The following NRG3 variants were observed in gnomAD, a reference collection of about 807,000 sequenced individuals.
The protein encoded by NRG3 is neuregulin 3, also known as pro-neuregulin-3, membrane-bound isoform.
In NRG3, 31 loss-of-function variants were observed where a neutral mutation model predicts 66.9. The observed-to-expected ratio is 0.46, with a 90% confidence interval of 0.35 to 0.63. The LOEUF is 0.63. Ranked by LOEUF, NRG3 falls within the 20% of genes least tolerant of loss-of-function variation. The pLI is 0.00. For synonymous variants in NRG3, 393 were observed against 359.4 expected (o/e 1.09, Z -1.06); for missense variants, 910 against 878.9 (o/e 1.04, Z -0.45).
intron 2 of NRG3, among the ~76,000 whole-genome samples, chr10:82,723,524 C>T (rs2057422231): frequency 6.6e-6 from 1 of 151,956 alleles, no homozygotes. Flanking sequence ...ATATTTGTAT[C>T]ATTAACGTAA....
chr10:82,385,094 G>T (rs1411385021), intron 2 of NRG3, among the ~76,000 whole-genome samples: 6 of 152,042 alleles, frequency 3.9e-5, no homozygotes, highest in African/African-American at 1.4e-4. Flanking sequence ...ATTTATGTTT[G>T]TTGGCCACAT....
intron 1 of NRG3, among the ~76,000 whole-genome samples, chr10:82,306,845 C>A (rs994634962): frequency 1.3e-5 from 2 of 148,650 alleles, no homozygotes; most frequent in Non-Finnish European, 3.0e-5. Context: ...GATTTTGAAT[C>A]TTCCCTTAGT....
At chr10:82,379,752 T>A (rs957602059) in intron 2 of NRG3, among the ~76,000 whole-genome samples, 2 of 151,936 alleles carry the variant, frequency 1.3e-5, no homozygotes, top group Non-Finnish European at 2.9e-5. Context: ...CAATGTAAAC[T>A]GGGCCAGAAG....
At chr10:82,353,806 T>C (rs2083587423) in intron 1 of NRG3, among the ~76,000 whole-genome samples, 1 of 152,100 alleles carries the variant, frequency 6.6e-6, no homozygotes, top group Non-Finnish European at 1.5e-5. Context: ...CACTCCTTTA[T>C]TCTTCCTGTC....
chr10:82,107,224 A>T (rs2067122266), intron 1 of NRG3, among the ~76,000 whole-genome samples: 1 of 152,194 alleles, frequency 6.6e-6, no homozygotes, highest in African/African-American at 2.4e-5. Flanking sequence ...TTTCCTTTTA[A>T]TCTCATGTCG....
Position 82,584,190 on chromosome 10 carries a change from G to A in NRG3, c.954-154387G>A, listed in dbSNP as rs539670708. 5.1e-4 allele frequency among the ~76,000 whole-genome samples: 78 copies of A among 152,224 alleles called. 1 individual carries two copies. The highest frequency in any genetic ancestry group is 5.6e-4 in the Non-Finnish European group (38 of 67,998). On this transcript the variant is annotated intron_variant, in intron 2 of 8. Coordinates refer to ENST00000372141, the MANE Select transcript of NRG3 (RefSeq NM_001010848.4). ...CAACCTCTGCCTCCTGGGTTCAAGC[G>A]ATTCTCTCACCTCAGCCTCTGGAGT...
At chr10:82,364,356 A>G (rs542007939) in intron 2 of NRG3, among the ~76,000 whole-genome samples, 3 of 152,340 alleles carry the variant, frequency 2.0e-5, no homozygotes, top group Non-Finnish European at 4.4e-5. Flanking sequence ...CATTAAAAAC[A>G]TTGGATTTAA....
chr10:81,979,288 C>T lies in NRG3; in HGVS notation c.823+103125C>T, dbSNP rs78807109. 6.2e-3 allele frequency among the ~76,000 whole-genome samples: 941 copies of T among 151,910 alleles called. 5 individuals carry two copies. Among genetic ancestry groups the T allele is most frequent in the African/African-American group, 0.021 (880 of 41,444 alleles). ...ATCTCTGATTTCCTCCACAGAGTCT[C>T]TATGGGAAATATTGTAGAGGTTATG... On this transcript the variant is annotated intron_variant, in intron 1 of 8. Coordinates refer to ENST00000372141, the MANE Select transcript of NRG3 (RefSeq NM_001010848.4).
intron 1 of NRG3, among the ~76,000 whole-genome samples, chr10:82,096,439 G>A (rs2066349492): frequency 6.6e-6 from 1 of 151,984 alleles, no homozygotes; most frequent in African/African-American, 2.4e-5. Context: ...TTGCACTCCT[G>A]CACTCCAGCC....
intron 1 of NRG3, among the ~76,000 whole-genome samples, chr10:82,087,071 A>G (rs2065769485): frequency 1.3e-5 from 2 of 152,060 alleles, no homozygotes; most frequent in Admixed American, 6.6e-5. Flanking sequence ...AGCACAGAAG[A>G]CCCATTAAAG....
At chr10:82,976,349 C>T (rs1852253214) in intron 7 of NRG3, among the ~76,000 whole-genome samples, 2 of 152,174 alleles carry the variant, frequency 1.3e-5, no homozygotes, top group African/African-American at 4.8e-5. Context: ...AGCCACTGTG[C>T]CCCACCATGC....
At chr10:82,241,608 C>A (rs2077010890) in intron 1 of NRG3, among the ~76,000 whole-genome samples, 1 of 152,028 alleles carries the variant, frequency 6.6e-6, no homozygotes, top group Non-Finnish European at 1.5e-5. Context: ...AGGTGTAAGT[C>A]CGTATTTCTT....
At chr10:82,484,854 G>A (rs531896439) in intron 2 of NRG3, among the ~76,000 whole-genome samples, 3 of 152,252 alleles carry the variant, frequency 2.0e-5, no homozygotes, top group South Asian at 2.1e-4. Context: ...TCTAATCTCC[G>A]TAAAGAGAAC....
intron 3 of NRG3, among the ~76,000 whole-genome samples, chr10:82,819,025 T>G (rs2061837045): frequency 6.6e-6 from 1 of 152,248 alleles, no homozygotes; most frequent in South Asian, 2.1e-4. Flanking sequence ...TTTAAAATCC[T>G]AAGTAATCAT....
intron 1 of NRG3, among the ~76,000 whole-genome samples, chr10:81,878,382 A>G (rs1054559743): frequency 3.3e-5 from 5 of 152,218 alleles, no homozygotes; most frequent in Non-Finnish European, 7.3e-5. Flanking sequence ...ATCTATAAAC[A>G]AGGGAAATTT....
chr10:82,940,009 A>G (rs755999015), intron 4 of NRG3, among the ~76,000 whole-genome samples: 8 of 151,996 alleles, frequency 5.3e-5, no homozygotes, highest in Non-Finnish European at 1.2e-4. Flanking sequence ...TTAGCCACAT[A>G]CAACTATCCA....
chr10:81,974,938 A>T (rs1310442630), intron 1 of NRG3, among the ~76,000 whole-genome samples: 1 of 152,152 alleles, frequency 6.6e-6, no homozygotes, highest in Non-Finnish European at 1.5e-5. Flanking sequence ...CTTAAAATCA[A>T]CTGAAAGCAA....
intron 4 of NRG3, among the ~76,000 whole-genome samples, chr10:82,899,106 A>G (rs753005913): frequency 7.9e-5 from 12 of 152,102 alleles, no homozygotes; most frequent in Non-Finnish European, 1.6e-4. Flanking sequence ...TGAGGGATGT[A>G]TCTAAATTTA....
intron 1 of NRG3, among the ~76,000 whole-genome samples, chr10:82,241,775 A>G (rs2077016962): frequency 6.6e-6 from 1 of 152,204 alleles, no homozygotes; most frequent in Non-Finnish European, 1.5e-5. Context: ...ATATTTTGGC[A>G]TTAAAGAATG....
Sources: allele counts gnomAD v4.1 joint callset (sites outside exome capture counted in the v4.1 genomes callset), GRCh38; gene constraint gnomAD v4.1.1; transcripts MANE v1.5; gene names NCBI Gene and HGNC (gene_info 2026-07-23, HGNC 2026-07-21).